Variants in MIR2052HG observed in about 807,000 individuals in gnomAD.
MIR2052HG encodes MIR2052 host gene.
intron 4 of MIR2052HG, among the ~76,000 whole-genome samples, chr8:74,745,103 A>C (rs1395409867): frequency 1.3e-5 from 2 of 152,062 alleles, no homozygotes; most frequent in African/African-American, 4.8e-5. Flanking sequence ...TACAAAAAAA[A>C]ATGTGAAAAA....
chr8:74,665,728 G>A (rs568132955), intron 2 of MIR2052HG, among the ~76,000 whole-genome samples: 31 of 152,010 alleles, frequency 2.0e-4, no homozygotes, highest in African/African-American at 6.3e-4. Flanking sequence ...CAGCTGATAC[G>A]GTTTGGCTGT....
At chr8:74,621,601 T>C (rs564616319) in intron 2 of MIR2052HG, among the ~76,000 whole-genome samples, 11 of 152,294 alleles carry the variant, frequency 7.2e-5, no homozygotes, top group Admixed American at 2.6e-4. Context: ...CCATCAGATC[T>C]TGTGAGACTC....
At chr8:74,736,119 A>G (rs12546127) in intron 4 of MIR2052HG, among the ~76,000 whole-genome samples, 6,568 of 152,262 alleles carry the variant, frequency 0.043, 320 homozygotes, top group African/African-American at 0.11. Context: ...CAAGCAGATT[A>G]AAGTTTCTTG....
chr8:74,683,484 A>C (rs374652530), intron 2 of MIR2052HG, among the ~76,000 whole-genome samples: 1 of 152,258 alleles, frequency 6.6e-6, no homozygotes, highest in East Asian at 1.9e-4. Context: ...GGAGAATTAC[A>C]CTGCATATTC....
intron 2 of MIR2052HG, among the ~76,000 whole-genome samples, chr8:74,653,872 C>T (rs1283261372): frequency 6.6e-6 from 1 of 152,104 alleles, no homozygotes; most frequent in Non-Finnish European, 1.5e-5. Flanking sequence ...TTCAAATAAG[C>T]ATGACAGATA....
At chr8:74,719,608 T>C (rs1241890658) in intron 4 of MIR2052HG, among the ~76,000 whole-genome samples, 2 of 152,008 alleles carry the variant, frequency 1.3e-5, no homozygotes, top group African/African-American at 4.8e-5. Context: ...ATCACTGATC[T>C]TTTATTTATT....
intron 4 of MIR2052HG, among the ~76,000 whole-genome samples, chr8:74,717,606 C>T (rs1309966743): frequency 6.6e-6 from 1 of 151,836 alleles, no homozygotes; most frequent in Non-Finnish European, 1.5e-5. Context: ...TCCCATAATG[C>T]CAGGAATTCA....
At chr8:74,665,880 T>C (rs1199307568) in intron 2 of MIR2052HG, among the ~76,000 whole-genome samples, 1 of 152,178 alleles carries the variant, frequency 6.6e-6, no homozygotes, top group African/African-American at 2.4e-5. Context: ...GGTTTTAAAA[T>C]GGGAGTTCCC....
intron 2 of MIR2052HG, among the ~76,000 whole-genome samples, chr8:74,687,849 A>C (rs1258892470): frequency 3.9e-5 from 6 of 152,190 alleles, no homozygotes; most frequent in Non-Finnish European, 2.9e-5. Context: ...TATCACAAAA[A>C]TGGGACACAA....
At chr8:74,753,574 T>G (rs73341215) in intron 5 of MIR2052HG, among the ~76,000 whole-genome samples, 1 of 152,038 alleles carries the variant, frequency 6.6e-6, no homozygotes, top group East Asian at 1.9e-4. Context: ...ATACTTTTAT[T>G]TGCCTCTCAC....
At chr8:74,708,692 T>C (rs1809434873) in intron 4 of MIR2052HG, among the ~76,000 whole-genome samples, 1 of 152,002 alleles carries the variant, frequency 6.6e-6, no homozygotes, top group Non-Finnish European at 1.5e-5. Context: ...ATGTATAAAT[T>C]ACACAGTTAT....
intron 4 of MIR2052HG, among the ~76,000 whole-genome samples, chr8:74,733,834 G>T (rs1401443465): frequency 1.3e-5 from 2 of 150,682 alleles, no homozygotes; most frequent in Non-Finnish European, 3.0e-5. Context: ...GATGGCCAGT[G>T]ATGGTGAGCA....
chr8:74,744,479 C>T lies in MIR2052HG; in HGVS notation n.372-7962C>T, dbSNP rs56087750. 6.1e-3 allele frequency among the ~76,000 whole-genome samples: 923 copies of T among 152,044 alleles called. 9 individuals are homozygous for T. The highest frequency in any genetic ancestry group is 0.02 in the African/African-American group (826 of 41,450). On this transcript the variant is annotated intron_variant and non_coding_transcript_variant, in intron 4 of 6. Transcript: ENST00000523442. ...TCCCAATGCTATCCGTCCCCCCTCC[C>T]CCTACCCCACAACAGTCCCCAGAGT...
At chr8:74,689,587 G>A (rs1336002131) in intron 2 of MIR2052HG, among the ~76,000 whole-genome samples, 3 of 152,028 alleles carry the variant, frequency 2.0e-5, no homozygotes, top group East Asian at 3.9e-4. Context: ...GTAACCATTT[G>A]GACATTTATT....
chr8:74,670,707 G>A (rs1808982541), intron 2 of MIR2052HG, among the ~76,000 whole-genome samples: 1 of 152,128 alleles, frequency 6.6e-6, no homozygotes, highest in South Asian at 2.1e-4. Flanking sequence ...TTGGTATATG[G>A]TTATCAGACA....
chr8:74,663,463 G>A (rs1808888694), intron 2 of MIR2052HG, among the ~76,000 whole-genome samples: 1 of 152,214 alleles, frequency 6.6e-6, no homozygotes, highest in South Asian at 2.1e-4. Context: ...TGCTCTTAGG[G>A]AATATTGGCT....
At chr8:74,751,620 A>G (rs1809947794) in intron 4 of MIR2052HG, among the ~76,000 whole-genome samples, 1 of 152,204 alleles carries the variant, frequency 6.6e-6, no homozygotes, top group African/African-American at 2.4e-5. Context: ...TCTTTATAGA[A>G]CAAAACTACT....
At chr8:74,614,681 T>C (rs1447297388) in intron 2 of MIR2052HG, among the ~76,000 whole-genome samples, 1 of 152,106 alleles carries the variant, frequency 6.6e-6, no homozygotes, top group Non-Finnish European at 1.5e-5. Flanking sequence ...CTTTTCTTTT[T>C]TTCTCTTTCC....
chr8:74,648,874 A>G (rs1023144110), intron 2 of MIR2052HG, among the ~76,000 whole-genome samples: 1 of 152,200 alleles, frequency 6.6e-6, no homozygotes, highest in Non-Finnish European at 1.5e-5. Flanking sequence ...TCACTGTGTC[A>G]ACATGAAGAT....
Sources: allele counts gnomAD v4.1 joint callset (sites outside exome capture counted in the v4.1 genomes callset), GRCh38; gene constraint gnomAD v4.1.1; transcripts MANE v1.5; gene names NCBI Gene and HGNC (gene_info 2026-07-23, HGNC 2026-07-21).